Variants in NKAIN3 observed in about 807,000 individuals in gnomAD.
NKAIN3 encodes the protein sodium/potassium-transporting ATPase subunit beta-1-interacting protein 3.
In NKAIN3, 25 loss-of-function variants were observed where a neutral mutation model predicts 30.2. The observed-to-expected ratio is 0.83, with a 90% confidence interval of 0.60 to 1.16. The LOEUF (loss-of-function observed/expected upper bound fraction) is 1.16. Among genes scored for constraint, NKAIN3 ranks in the 50% most tolerant of loss-of-function variants. The pLI, the probability that NKAIN3 is intolerant of heterozygous loss-of-function variation, is 0.00. For missense variants in NKAIN3, 225 were observed against 254.1 expected (o/e 0.89, Z 0.78); for synonymous variants, 91 against 89.6 (o/e 1.02, Z -0.09).
In NKAIN3 at chr8:62,450,278, A is replaced by T. The variant is rs140342885; in HGVS notation, c.55-129261A>T. 5.6e-3 allele frequency among the ~76,000 whole-genome samples: 849 copies of T among 152,214 alleles called. 4 individuals are homozygous for T. Among genetic ancestry groups the T allele is most frequent in the Non-Finnish European group, 8.5e-3 (578 of 67,988 alleles). On this transcript the variant is annotated intron_variant, in intron 1 of 6. Transcript: ENST00000623646. ...AAATGTTTATTAATGTGGAGTGAGG[A>T]TAGGATCCCTTGTTAAGGGATGGGT... is the stretch of plus-strand genomic sequence containing the variant.
At chr8:62,270,929 T>G (rs1812758906) in intron 1 of NKAIN3, among the ~76,000 whole-genome samples, 1 of 152,214 alleles carries the variant, frequency 6.6e-6, no homozygotes. Context: ...AAATAATTTT[T>G]CTTCCTGTTC....
Position 62,922,818 on chromosome 8 carries a change from C to T in NKAIN3, c.532+4305C>T, listed in dbSNP as rs1822323898. Among the ~76,000 whole-genome samples the T allele has an allele frequency of 1.3e-5, 2 of 151,856 alleles. 1 individual carries two copies. Among genetic ancestry groups the T allele is most frequent in the Admixed American group, 1.3e-4 (2 of 15,222 alleles). On this transcript the variant is annotated intron_variant, in intron 5 of 6. Coordinates refer to ENST00000623646, the MANE Select transcript of NKAIN3 (RefSeq NM_001304533.3). ...AAAGGCTGATTCTCTCTCCTTCAGT[C>T]TCACTAGAGCTCAGATTTAGATCCT...
intron 3 of NKAIN3, among the ~76,000 whole-genome samples, chr8:62,702,236 T>C (rs1245708522): frequency 6.6e-6 from 1 of 152,234 alleles, no homozygotes; most frequent in Admixed American, 6.5e-5. Flanking sequence ...TTTGAGTATG[T>C]CATTCTCAAT....
intron 1 of NKAIN3, among the ~76,000 whole-genome samples, chr8:62,415,858 C>T (rs980611420): frequency 4.0e-5 from 6 of 151,838 alleles, no homozygotes; most frequent in African/African-American, 1.2e-4. Context: ...CCCGGGTTCA[C>T]GCCATTCTCC....
At chr8:62,812,747 A>G (rs1818530662) in intron 4 of NKAIN3, among the ~76,000 whole-genome samples, 1 of 151,976 alleles carries the variant, frequency 6.6e-6, no homozygotes, top group African/African-American at 2.4e-5. Context: ...ACATTTCTTA[A>G]TGAAGACTAA....
chr8:62,777,846 C>G (rs181135976), intron 4 of NKAIN3, among the ~76,000 whole-genome samples: 1 of 152,090 alleles, frequency 6.6e-6, no homozygotes, highest in Non-Finnish European at 1.5e-5. Context: ...CTTGGAAACA[C>G]TTTCCAGGTA....
chr8:62,997,685 G>T lies in NKAIN3; in HGVS notation c.533-1546G>T, dbSNP rs920335949. Among the ~76,000 whole-genome samples, 11 of 151,708 alleles carry T rather than the reference G, an allele frequency of 7.3e-5. No individual in the cohort carries two copies. The South Asian group carries it at 2.1e-3, about 29-fold the overall frequency. On this transcript the variant is annotated intron_variant, in intron 5 of 5. Transcript: ENST00000519049. ...ATTTGTTCTTACTTTGCCCTATAGTGAGAGAAGTAAAGTGTTTAATTAGGG... is the reference window on the plus strand; with the variant it reads ...ATTTGTTCTTACTTTGCCCTATAGTTAGAGAAGTAAAGTGTTTAATTAGGG...
intron 1 of NKAIN3, among the ~76,000 whole-genome samples, chr8:62,354,377 C>T (rs1033899856): frequency 6.6e-5 from 10 of 152,268 alleles, no homozygotes; most frequent in East Asian, 3.9e-4. Context: ...TAGCTTGTCA[C>T]GGTTTCATGA....
chr8:62,954,865 G>C (rs368216637), intron 6 of NKAIN3, among the ~76,000 whole-genome samples: 5 of 152,272 alleles, frequency 3.3e-5, no homozygotes, highest in Non-Finnish European at 7.4e-5. Flanking sequence ...GTAAGTTGTG[G>C]AGCTGAGATC....
chr8:62,657,580 A>G (rs1664183814), intron 3 of NKAIN3, among the ~76,000 whole-genome samples: 1 of 152,202 alleles, frequency 6.6e-6, no homozygotes, highest in Non-Finnish European at 1.5e-5. Context: ...TACATATTGC[A>G]TTATCAATCT....
At chr8:62,849,682 C>T (rs929141276) in intron 4 of NKAIN3, among the ~76,000 whole-genome samples, 1 of 145,176 alleles carries the variant, frequency 6.9e-6, no homozygotes, top group South Asian at 2.4e-4. Context: ...TCACTTCCCA[C>T]CTATGAGTGA....
At chr8:62,445,404 C>T (rs1488771906) in intron 1 of NKAIN3, among the ~76,000 whole-genome samples, 3 of 151,708 alleles carry the variant, frequency 2.0e-5, no homozygotes, top group Admixed American at 6.6e-5. Context: ...GTTGTTTGAG[C>T]TCCTTATATT....
chr8:62,320,772 C>A (rs1265025886), intron 1 of NKAIN3, among the ~76,000 whole-genome samples: 2 of 152,168 alleles, frequency 1.3e-5, no homozygotes. Flanking sequence ...AACATTTTTT[C>A]CTTCATTTCA....
intron 1 of NKAIN3, among the ~76,000 whole-genome samples, chr8:62,308,759 C>T (rs1416715915): frequency 6.7e-6 from 1 of 150,248 alleles, no homozygotes; most frequent in African/African-American, 2.5e-5. Flanking sequence ...AAGGAAGGTA[C>T]CATTAGCAGA....
chr8:62,936,697 A>G (rs962773021), intron 5 of NKAIN3, among the ~76,000 whole-genome samples: 1 of 152,152 alleles, frequency 6.6e-6, no homozygotes, highest in African/African-American at 2.4e-5. Flanking sequence ...AGTAGTTACA[A>G]TTTTAAACCA....
intron 3 of NKAIN3, among the ~76,000 whole-genome samples, chr8:62,591,708 TA>T (rs1411141949): frequency 6.6e-6 from 1 of 152,002 alleles, no homozygotes; most frequent in Non-Finnish European, 1.5e-5. Context: ...TCTAGGTCAT[TA>T]AAAAGATAGA....
chr8:62,563,931 G>T (rs1472849943), intron 1 of NKAIN3, among the ~76,000 whole-genome samples: 1 of 152,064 alleles, frequency 6.6e-6, no homozygotes, highest in African/African-American at 2.4e-5. Context: ...TCCTTGCTTT[G>T]AGTCACTTAA....
chr8:62,909,862 T>C (rs2130848251), intron 4 of NKAIN3, among the ~76,000 whole-genome samples: 1 of 152,310 alleles, frequency 6.6e-6, no homozygotes, highest in Non-Finnish European at 1.5e-5. Context: ...GTATGGCATG[T>C]CATTGTCTTA....
rs73263306 is a variant in NKAIN3, at chr8:62,469,343, C to T, written c.55-110196C>T. 8.5e-3 allele frequency among the ~76,000 whole-genome samples: 1,298 copies of T among 152,298 alleles called. 8 individuals carry two copies. The highest frequency in any genetic ancestry group is 0.029 in the African/African-American group (1,210 of 41,566). On this transcript the variant is annotated intron_variant, in intron 1 of 6. Coordinates refer to ENST00000623646, the MANE Select transcript of NKAIN3 (RefSeq NM_001304533.3). Reference sequence around the variant, plus strand: ...AACAATGTATGAAACAGTTATTCATCTTATGTGTGAGAGCATAGGAAAGTT... The same window carrying T: ...AACAATGTATGAAACAGTTATTCATTTTATGTGTGAGAGCATAGGAAAGTT...
Sources: allele counts gnomAD v4.1 joint callset (sites outside exome capture counted in the v4.1 genomes callset), GRCh38; gene constraint gnomAD v4.1.1; transcripts MANE v1.5; gene names NCBI Gene and HGNC (gene_info 2026-07-23, HGNC 2026-07-21).